Variants in GABRA3 observed in about 807,000 individuals in gnomAD.
GABRA3 encodes the protein gamma-aminobutyric acid receptor subunit alpha-3.
In GABRA3, 10 loss-of-function variants were observed where a neutral mutation model predicts 30.1. That is an observed-to-expected ratio of 0.33 (90% CI 0.20 to 0.56). The LOEUF (loss-of-function observed/expected upper bound fraction) is 0.56, where lower values mean the gene tolerates loss of function less well. Ranked by LOEUF, GABRA3 falls within the 20% of genes least tolerant of loss-of-function variation. The pLI, the probability that GABRA3 is intolerant of heterozygous loss-of-function variation, is 0.89. For synonymous variants in GABRA3, 151 were observed against 146.8 expected, an observed-to-expected ratio of 1.03 and a Z score of -0.21; for missense variants, 233 against 392.0, an observed-to-expected ratio of 0.59 and a Z score of 3.42.
At chrX:152,186,712 C>T (rs762777749) in intron 9 of GABRA3, 1 of 109,347 alleles carries the variant, frequency 9.1e-6, no homozygotes, top group African/African-American at 3.3e-5. Context: ...GTCCGAACTT[C>T]CCAAGCTCAG....
At chrX:152,301,155 C>T (rs746006772) in intron 3 of GABRA3, among the ~76,000 whole-genome samples, 1 of 111,419 alleles carries the variant, frequency 9.0e-6, no homozygotes, top group African/African-American at 3.3e-5. Flanking sequence ...TATAGGGGAG[C>T]AATAATTGGA....
At chrX:152,205,856 G>A (rs751836998) in intron 7 of GABRA3, among the ~76,000 whole-genome samples, 3 of 112,577 alleles carry the variant, frequency 2.7e-5, no homozygotes, top group Non-Finnish European at 3.7e-5. Context: ...AAAGGGAACC[G>A]TCTTAAATAC....
intron 1 of GABRA3, among the ~76,000 whole-genome samples, chrX:152,374,203 T>C (rs1449277034): frequency 3.6e-5 from 4 of 111,047 alleles, no homozygotes; most frequent in Non-Finnish European, 3.8e-5. Context: ...TAGCAAACCT[T>C]TGTCAGATGG....
chrX:152,259,897 G>A (rs1603227943), intron 4 of GABRA3, among the ~76,000 whole-genome samples: 1 of 109,731 alleles, frequency 9.1e-6, no homozygotes, highest in Admixed American at 9.8e-5. Flanking sequence ...TCTTCGGTAC[G>A]AGCTTGGCTT....
chrX:152,251,575 G>T (rs1319407567), intron 5 of GABRA3, among the ~76,000 whole-genome samples: 4 of 109,266 alleles, frequency 3.7e-5, no homozygotes, highest in Admixed American at 2.0e-4. Flanking sequence ...CCTTCCTCTT[G>T]CTTCTCTTCC....
chrX:152,400,871 G>T (rs1001068342), intron 1 of GABRA3, among the ~76,000 whole-genome samples: 1 of 111,252 alleles, frequency 9.0e-6, no homozygotes, highest in Non-Finnish European at 1.9e-5. Context: ...ATGATCCAGG[G>T]AATGTAGGTG....
intron 1 of GABRA3, among the ~76,000 whole-genome samples, chrX:152,442,216 C>T (rs1241644622): frequency 1.8e-5 from 2 of 110,487 alleles, no homozygotes; most frequent in Admixed American, 1.9e-4. Context: ...GGGGGCTAGA[C>T]ACAAAGAAAG....
intron 3 of GABRA3, among the ~76,000 whole-genome samples, chrX:152,315,206 G>A (rs1169984526): frequency 3.6e-5 from 4 of 111,585 alleles, no homozygotes. Context: ...GAGAAAGGGG[G>A]ATCATCTGCC....
At chrX:152,254,193 T>G (rs774775245) in intron 5 of GABRA3, among the ~76,000 whole-genome samples, 3 of 111,060 alleles carry the variant, frequency 2.7e-5, no homozygotes, top group Non-Finnish European at 3.8e-5. Context: ...AAGCTTCTCT[T>G]TCTTTCGTCT....
At chrX:152,224,332 C>G (rs1004732516) in intron 6 of GABRA3, among the ~76,000 whole-genome samples, 3 of 112,023 alleles carry the variant, frequency 2.7e-5, no homozygotes, top group Non-Finnish European at 5.6e-5. Context: ...GCCTATCACA[C>G]ACTGTTAAGA....
chrX:152,296,926 T>C (rs1200611948), intron 3 of GABRA3, among the ~76,000 whole-genome samples: 1 of 110,812 alleles, frequency 9.0e-6, no homozygotes, highest in African/African-American at 3.3e-5. Context: ...ATTGAACTCC[T>C]GACCTCAAGT....
At chrX:152,397,200 C>T (rs1336512806) in intron 1 of GABRA3, among the ~76,000 whole-genome samples, 1 of 111,637 alleles carries the variant, frequency 9.0e-6, no homozygotes, top group African/African-American at 3.3e-5. Flanking sequence ...CTATAAGAGA[C>T]GGCTTGTGAG....
intron 1 of GABRA3, among the ~76,000 whole-genome samples, chrX:152,377,883 C>A (rs768283873): frequency 9.9e-5 from 11 of 111,564 alleles, no homozygotes; most frequent in Non-Finnish European, 1.3e-4. Flanking sequence ...CTTCTTCAAA[C>A]CCCAGGAGAC....
chrX:152,339,094 A>G (rs1940276510), intron 3 of GABRA3, among the ~76,000 whole-genome samples: 1 of 111,294 alleles, frequency 9.0e-6, no homozygotes, highest in Non-Finnish European at 1.9e-5. Flanking sequence ...GGTAGAGATT[A>G]CATTGAGTCT....
intron 1 of GABRA3, among the ~76,000 whole-genome samples, chrX:152,371,177 C>T (rs1397917128): frequency 9.0e-6 from 1 of 110,977 alleles, no homozygotes; most frequent in East Asian, 2.8e-4. Context: ...CTTCAATGTC[C>T]CACGATCCTT....
Position 152,424,218 on chromosome X carries a change from C to T in GABRA3, c.-27+26928G>A, listed in dbSNP as rs558824221. On this transcript the variant is annotated intron_variant, in intron 1 of 9. Transcript: ENST00000370314. ...ATCTACCCAACTGCAGAATCAGAAA[C>T]CGACAAGTCATCTTTCACATCTCCC... 4.5e-4 allele frequency among the ~76,000 whole-genome samples: 50 copies of T among 111,017 alleles called. No homozygotes were observed. The South Asian group carries it at 0.018, about 40-fold the overall frequency.
intron 1 of GABRA3, among the ~76,000 whole-genome samples, chrX:152,405,735 A>C (rs1929917872): frequency 9.0e-6 from 1 of 111,638 alleles, no homozygotes; most frequent in Non-Finnish European, 1.9e-5. Flanking sequence ...AGGGAATCGC[A>C]ACCCTGAAAG....
At chrX:152,388,017 G>C (rs944549393) in intron 1 of GABRA3, among the ~76,000 whole-genome samples, 1 of 111,927 alleles carries the variant, frequency 8.9e-6, no homozygotes, top group Non-Finnish European at 1.9e-5. Context: ...CAGTATATTA[G>C]TTAAATTTTA....
chrX:152,242,345 G>A (rs1485518488), intron 5 of GABRA3, among the ~76,000 whole-genome samples: 1 of 111,133 alleles, frequency 9.0e-6, no homozygotes, highest in African/African-American at 3.3e-5. Flanking sequence ...CAACAGCACT[G>A]GCCTGGGCAA....
Sources: allele counts gnomAD v4.1 joint callset (sites outside exome capture counted in the v4.1 genomes callset), GRCh38; gene constraint gnomAD v4.1.1; transcripts MANE v1.5; gene names NCBI Gene and HGNC (gene_info 2026-07-23, HGNC 2026-07-21).